WWOX: variants seen among roughly 807,000 people sequenced by gnomAD.
WWOX encodes the protein WW domain containing oxidoreductase.
Under a neutral mutation model 46.2 loss-of-function variants are expected in WWOX, and 69 were observed. The observed-to-expected ratio is 1.49, with a 90% confidence interval of 1.23 to 1.82. The LOEUF (loss-of-function observed/expected upper bound fraction) is 1.82, where lower values mean the gene tolerates loss of function less well. Ranked by LOEUF, WWOX falls within the 40% of genes most tolerant of loss-of-function variation. WWOX has a pLI of 0.00. For missense variants in WWOX, 919 were observed against 542.6 expected (o/e 1.69, Z -6.89); for synonymous variants, 359 against 202.6 (o/e 1.77, Z -6.56).
At chr16:78,531,254 G>A (rs1283968381) in intron 8 of WWOX, among the ~76,000 whole-genome samples, 1 of 152,190 alleles carries the variant, frequency 6.6e-6, no homozygotes, top group Non-Finnish European at 1.5e-5. Context: ...GAGGGACAGT[G>A]AGAGCGAGGA....
At chr16:78,774,570 C>A (rs559550734) in intron 8 of WWOX, among the ~76,000 whole-genome samples, 15 of 149,430 alleles carry the variant, frequency 1.0e-4, no homozygotes, top group East Asian at 4.0e-4. Context: ...GTGTCCCCCT[C>A]CCCCCCCACA....
chr16:78,495,742 C>T (rs1461482721), intron 8 of WWOX, among the ~76,000 whole-genome samples: 1 of 151,670 alleles, frequency 6.6e-6, no homozygotes, highest in East Asian at 2.0e-4. Flanking sequence ...CTCCTGACCT[C>T]AAATGATTCC....
chr16:78,549,643 G>A (rs910273940), intron 8 of WWOX, among the ~76,000 whole-genome samples: 6 of 152,110 alleles, frequency 3.9e-5, no homozygotes, highest in Admixed American at 3.9e-4. Context: ...ATCTGCAAGC[G>A]AGCTAATGGA....
At chr16:78,404,052 G>A (rs2151945498) in intron 6 of WWOX, among the ~76,000 whole-genome samples, 1 of 152,272 alleles carries the variant, frequency 6.6e-6, no homozygotes, top group East Asian at 1.9e-4. Flanking sequence ...AAAGGGCGAG[G>A]CGAGGCTAAA....
intron 8 of WWOX, among the ~76,000 whole-genome samples, chr16:78,738,683 C>A (rs2049144544): frequency 6.6e-6 from 1 of 152,116 alleles, no homozygotes; most frequent in Non-Finnish European, 1.5e-5. Context: ...CTTCTCCTGG[C>A]TAGAATGTGT....
At chr16:78,300,622 A>G (rs2080023785) in intron 5 of WWOX, among the ~76,000 whole-genome samples, 1 of 151,998 alleles carries the variant, frequency 6.6e-6, no homozygotes, top group Non-Finnish European at 1.5e-5. Flanking sequence ...GGCATTACTA[A>G]TGGCTTGACT....
At chr16:78,577,066 C>T (rs1406328719) in intron 8 of WWOX, among the ~76,000 whole-genome samples, 1 of 152,158 alleles carries the variant, frequency 6.6e-6, no homozygotes, top group Admixed American at 6.5e-5. Flanking sequence ...TTCTATAGCT[C>T]AGGTTGAAAG....
At chr16:78,936,611 C>A (rs771225835) in intron 8 of WWOX, among the ~76,000 whole-genome samples, 2 of 152,106 alleles carry the variant, frequency 1.3e-5, no homozygotes, top group Non-Finnish European at 2.9e-5. Flanking sequence ...TGGGCAAGGT[C>A]CACAGGCTGG....
chr16:78,249,605 C>T (rs1328956022), intron 5 of WWOX, among the ~76,000 whole-genome samples: 2 of 152,248 alleles, frequency 1.3e-5, no homozygotes, highest in Admixed American at 6.5e-5. Flanking sequence ...GTGAGAAGGC[C>T]GTTCATCTGG....
intron 6 of WWOX, among the ~76,000 whole-genome samples, chr16:78,416,120 T>A (rs2082792443): frequency 6.6e-6 from 1 of 152,152 alleles, no homozygotes; most frequent in African/African-American, 2.4e-5. Context: ...AGAAAAAAAA[T>A]CAGCCCCTTA....
At chr16:78,604,016 C>T (rs1050188629) in intron 8 of WWOX, among the ~76,000 whole-genome samples, 1 of 152,100 alleles carries the variant, frequency 6.6e-6, no homozygotes, top group Non-Finnish European at 1.5e-5. Flanking sequence ...TGGTGGCACA[C>T]ACCTATAGTC....
intron 5 of WWOX, among the ~76,000 whole-genome samples, chr16:78,211,251 G>C (rs1264474059): frequency 6.6e-6 from 1 of 152,192 alleles, no homozygotes; most frequent in Non-Finnish European, 1.5e-5. Flanking sequence ...GGCGATGGTA[G>C]AACCGCTGGA....
At position 78,936,207 on chromosome 16, in the gene WWOX, A is replaced by T. The variant is rs192925559; in HGVS notation, c.1057-275401A>T. On this transcript the variant is annotated intron_variant, in intron 8 of 8. Transcript: ENST00000566780. The stretch of plus-strand genomic sequence containing the variant: ...GAAGATGCAATAGGCAAAGGCAGTG[A>T]GTTTAATGGTTGACTTTTGGTATTT... Among the ~76,000 whole-genome samples the T allele has an allele frequency of 5.9e-5, 9 of 152,210 alleles. No individual in the cohort carries two copies. In the East Asian group the frequency reaches 1.7e-3, roughly 30 times the overall value.
In WWOX at chr16:79,099,442, C is replaced by T. The variant is rs188440447; in HGVS notation, c.1057-112166C>T. ...AGACTGTGGTAAACTGCAGCGCGCA[C>T]ACTCTGTTAACAGAGGAGGTCACTT... On this transcript the variant is annotated intron_variant, in intron 8 of 8. Coordinates refer to ENST00000566780, the MANE Select transcript of WWOX (RefSeq NM_016373.4). Among the ~76,000 whole-genome samples the T allele has an allele frequency of 1.6e-4, 25 of 152,318 alleles. No homozygotes were observed. In the East Asian group the frequency reaches 4.1e-3, roughly 25 times the overall value.
chr16:78,830,516 A>T (rs889907757), intron 8 of WWOX, among the ~76,000 whole-genome samples: 2 of 151,930 alleles, frequency 1.3e-5, no homozygotes, highest in African/African-American at 4.8e-5. Context: ...CAAATTACCC[A>T]TTACCAGGGA....
chr16:78,635,181 T>C (rs2046538080), intron 8 of WWOX, among the ~76,000 whole-genome samples: 1 of 152,192 alleles, frequency 6.6e-6, no homozygotes, highest in Non-Finnish European at 1.5e-5. Flanking sequence ...GTCAAAGGCT[T>C]CCTGACTCAG....
intron 8 of WWOX, among the ~76,000 whole-genome samples, chr16:79,158,550 A>G (rs1386934599): frequency 2.0e-5 from 3 of 152,150 alleles, no homozygotes; most frequent in African/African-American, 7.2e-5. Context: ...CCCTTTCCAC[A>G]TATGCTGGAT....
chr16:78,462,999 A>G (rs1243631509), intron 8 of WWOX, among the ~76,000 whole-genome samples: 1 of 152,170 alleles, frequency 6.6e-6, no homozygotes, highest in African/African-American at 2.4e-5. Flanking sequence ...TCCTCTTTGC[A>G]GGCGCAGTGA....
intron 8 of WWOX, among the ~76,000 whole-genome samples, chr16:78,945,853 G>C (rs953926252): frequency 1.3e-5 from 2 of 152,092 alleles, no homozygotes; most frequent in Non-Finnish European, 2.9e-5. Flanking sequence ...TCATCTCGTA[G>C]TCACTGGATA....
Sources: allele counts gnomAD v4.1 joint callset (sites outside exome capture counted in the v4.1 genomes callset), GRCh38; gene constraint gnomAD v4.1.1; transcripts MANE v1.5; gene names NCBI Gene and HGNC (gene_info 2026-07-23, HGNC 2026-07-21).